The following RNPEPL1 variants were observed in gnomAD, a reference collection of about 807,000 sequenced individuals.
RNPEPL1 encodes the protein arginyl aminopeptidase like 1.
RNPEPL1 carries 46 observed loss-of-function variants against 69.0 expected under a neutral mutation model. The ratio of observed to expected loss-of-function variants is 0.67; its 90% confidence interval spans 0.53 to 0.85. RNPEPL1 has a LOEUF of 0.85. Among genes scored for constraint, RNPEPL1 ranks in the 40% least tolerant of loss-of-function variants. The pLI, the probability that RNPEPL1 is intolerant of heterozygous loss-of-function variation, is 0.00. For missense variants in RNPEPL1, 869 were observed against 992.5 expected, an observed-to-expected ratio of 0.88 and a Z score of 1.67; for synonymous variants, 525 against 454.1, an observed-to-expected ratio of 1.16 and a Z score of -1.98.
intron 1 of RNPEPL1, among the ~76,000 whole-genome samples, chr2:240,571,603 G>A (rs560670620): frequency 1.6e-4 from 25 of 152,082 alleles, no homozygotes; most frequent in East Asian, 5.8e-4. Context: ...GGAGGGCCCC[G>A]GGTGTGCAGG....
At chr2:240,569,699 C>G (rs1320848530) in intron 1 of RNPEPL1, among the ~76,000 whole-genome samples, 2 of 152,250 alleles carry the variant, frequency 1.3e-5, no homozygotes, top group African/African-American at 4.8e-5. Flanking sequence ...GCAGCACCCC[C>G]TCCACCTCCA....
chr2:240,575,010 G>C lies in RNPEPL1; in HGVS notation c.1289-20G>C. ...ACTGGTGGTTTCGGACGCCAGCCCA[G>C]GTGGGTGTTCACCTTGCAGGAGTGA... is the stretch of plus-strand genomic sequence containing the variant. On this transcript the variant is annotated intron_variant, in intron 6 of 10. Transcript: ENST00000270357. The C allele has an allele frequency of 1.3e-6, 2 of 1,595,884 alleles. No homozygotes were observed. The highest frequency in any genetic ancestry group is 2.2e-5 in the East Asian group (1 of 44,786).
intron 1 of RNPEPL1, 62 bp from the exon 2 acceptor site, chr2:240,572,361 A>G: frequency 6.6e-7 from 1 of 1,510,448 alleles, no homozygotes; most frequent in African/African-American, 1.4e-5. Flanking sequence ...GCTGCTGCCC[A>G]GTGGCTAGGG....
Position 240,576,943 on chromosome 2 carries a change from G to T in RNPEPL1, c.1837G>T (p.Asp613Tyr). The change falls in exon 10 of 11, where the codon GAC becomes TAC. Residue 613 changes from aspartate (D) to tyrosine (Y), a missense_variant. Asp to Tyr is a radical substitution (Grantham distance 160). Transcript: ENST00000270357. ...IRWLQIVVRN[D>Y]YYPDLHRVRR... ...CTGGCTGCAGATTGTGGTCCGCAAC[G>T]ACTACTATCCTGACCTCCACAGGGT... The T allele has an allele frequency of 6.2e-7, 1 of 1,613,448 alleles. No homozygotes were observed. The highest frequency in any genetic ancestry group is 1.1e-5 in the South Asian group (1 of 91,040).
In RNPEPL1 at chr2:240,576,854, T is replaced by C. The variant is rs1227363327; in HGVS notation, c.1748T>C (p.Val583Ala). Residue 583 changes from valine to alanine, a missense_variant, in exon 10 of 11, where the codon GTG becomes GCG. Physicochemically the swap from Val to Ala is moderately conservative, Grantham distance 64. Transcript: ENST00000270357. ...CCTGCCCCCTGCGCTGCAGAGGTGGTGATGAGCCTGTCCAAGTGCTACTCC... is the reference window on the plus strand; with the variant it reads ...CCTGCCCCCTGCGCTGCAGAGGTGGCGATGAGCCTGTCCAAGTGCTACTCC... ...LDGSPLPQEV[V>A]MSLSKCYSSL... The C allele has an allele frequency of 6.2e-7, 1 of 1,612,812 alleles. No individual in the cohort carries two copies.
In RNPEPL1 at chr2:240,577,901, G is replaced by A; in HGVS notation, c.*9G>A. ...TCAATGTGTCTGCCTAGCCCTGTTG[G>A]CGGGCTGACCCTCGACCTCCCAGAC... On this transcript the variant is annotated 3_prime_UTR_variant, in exon 11 of 11. Transcript: ENST00000270357. The A allele has an allele frequency of 6.7e-7, 1 of 1,483,002 alleles. No individual in the cohort carries two copies. 91.9% of individuals were successfully genotyped at this position (1,483,002 alleles called of 1,614,324 possible).
chr2:240,572,351 G>T (rs2093024143), intron 1 of RNPEPL1, 72 bp from the exon 2 acceptor site: 2 of 1,497,522 alleles, frequency 1.3e-6, no homozygotes, highest in Non-Finnish European at 1.8e-6. Context: ...CTTCTCTCAG[G>T]CTGCTGCCCA....
rs751889999 is a variant in RNPEPL1, at chr2:240,574,100, C to T, written c.939-13C>T. 1.9e-6 allele frequency: 3 copies of T among 1,609,602 alleles called. No homozygotes were observed. The highest frequency in any genetic ancestry group is 2.2e-5 in the South Asian group (2 of 91,008). On this transcript the variant is annotated splice_polypyrimidine_tract_variant and intron_variant, in intron 4 of 10. Coordinates refer to ENST00000270357, the MANE Select transcript of RNPEPL1 (RefSeq NM_018226.6). ...CCCCGAGGTCTGCCACCCTCACCGCCCTCCCGGTGCAGGTACGACATTGTC... is the reference window on the plus strand; with the variant it reads ...CCCCGAGGTCTGCCACCCTCACCGCTCTCCCGGTGCAGGTACGACATTGTC...
intron 8 of RNPEPL1, 28 bp downstream of exon 8, chr2:240,575,638 A>T: frequency 6.3e-7 from 1 of 1,588,538 alleles, no homozygotes; most frequent in Non-Finnish European, 8.6e-7. Context: ...CCCTGCAGCC[A>T]GGGAGCCGTG....
chr2:240,568,964 C>T lies in RNPEPL1; in HGVS notation c.378C>T (p.Pro126=), dbSNP rs963246918. 2 of 1,440,252 alleles carry T rather than the reference C, an allele frequency of 1.4e-6. No homozygotes were observed. Among genetic ancestry groups the T allele is most frequent in the Non-Finnish European group, 1.8e-6 (2 of 1,097,070 alleles). 89.2% of individuals were successfully genotyped at this position (1,440,252 alleles called of 1,614,324 possible). A position where few individuals can be genotyped will look rare whatever the true frequency, so the allele number is the denominator to read the frequency against. ...CGCTGCCCGCCTTCCCCGAGGCGCC[C>T]GGCTCCGAGCCCGCCTGCTGTCCGC... is the stretch of plus-strand genomic sequence containing the variant. The part of the protein sequence containing the change: ...PPPLPAFPEA[P]GSEPACCPLA... The change falls in exon 1 of 11, where the codon CCC becomes CCT. Residue 126 remains proline (P), a synonymous_variant. Coordinates refer to ENST00000270357, the MANE Select transcript of RNPEPL1 (RefSeq NM_018226.6). This position sits in a 1 kb window ranked among gnomAD's most constrained non-coding sequence, Gnocchi z 6.2.
chr2:240,575,427 G>A (rs1419988081), intron 7 of RNPEPL1, 75 bp from the exon 8 acceptor site: 1 of 1,292,886 alleles, frequency 7.7e-7, no homozygotes, highest in Non-Finnish European at 1.1e-6. Flanking sequence ...GCCCTGCAGT[G>A]CCCTGCAGGC....
chr2:240,574,092 C>G lies in RNPEPL1; in HGVS notation c.939-21C>G, dbSNP rs996906692. 3 of 1,604,462 alleles carry G rather than the reference C, an allele frequency of 1.9e-6. No homozygotes were observed. The African/African-American group carries it at 4.0e-5, about 21-fold the overall frequency. On this transcript the variant is annotated intron_variant, in intron 4 of 10. Coordinates refer to ENST00000270357, the MANE Select transcript of RNPEPL1 (RefSeq NM_018226.6). The stretch of plus-strand genomic sequence containing the variant: ...AGTCTGAGCCCCGAGGTCTGCCACC[C>G]TCACCGCCCTCCCGGTGCAGGTACG...
chr2:240,575,472 G>A, intron 7 of RNPEPL1, 30 bp from the exon 8 acceptor site: 2 of 1,590,932 alleles, frequency 1.3e-6, no homozygotes, highest in Non-Finnish European at 1.7e-6. Context: ...ACCCTTCCAG[G>A]CCTGCTGAGG....
At position 240,573,375 on chromosome 2, in the gene RNPEPL1, G is replaced by C. The variant is rs1575436799; in HGVS notation, c.821+114G>C. The C allele has an allele frequency of 3.9e-6, 5 of 1,284,740 alleles. No individual in the cohort carries two copies. In the East Asian group the frequency reaches 1.3e-4, roughly 33 times the overall value. 79.6% of individuals were successfully genotyped at this position (1,284,740 alleles called of 1,614,324 possible). ...TGCTGAGGACCCCCACTGGCCTCTGGGTGCTCTGGGCCAGCCCTGCCCCTG... is the reference window on the plus strand; with the variant it reads ...TGCTGAGGACCCCCACTGGCCTCTGCGTGCTCTGGGCCAGCCCTGCCCCTG... On this transcript the variant is annotated intron_variant, in intron 3 of 10. Transcript: ENST00000270357.
At chr2:240,573,343 G>A in intron 3 of RNPEPL1, 82 bp downstream of exon 3, 1 of 1,438,198 alleles carries the variant, frequency 7.0e-7, no homozygotes, top group Non-Finnish European at 9.2e-7. Context: ...TGTGTCCACG[G>A]CTGCCCTGCT....
At chr2:240,574,846 G>A (rs2093033162) in intron 6 of RNPEPL1, 184 bp from the exon 7 acceptor site, 3 of 661,466 alleles carry the variant, frequency 4.5e-6, no homozygotes, top group South Asian at 1.7e-5. Context: ...ACAGTGGTGT[G>A]TGAGTCCTCA....
rs116261987 is a variant in RNPEPL1, at chr2:240,571,956, G to A, written c.529-467G>A. Among the ~76,000 whole-genome samples, 362 of 152,258 alleles carry A rather than the reference G, an allele frequency of 2.4e-3. 1 individual carries two copies. The highest frequency in any genetic ancestry group is 4.1e-3 in the Admixed American group (63 of 15,294). ...GGGCCCGGGCGTGCTGCCTGCTAGTGCGTAGCCATCAGGAGGCTCTGGCTT... is the reference window on the plus strand; with the variant it reads ...GGGCCCGGGCGTGCTGCCTGCTAGTACGTAGCCATCAGGAGGCTCTGGCTT... On this transcript the variant is annotated intron_variant, in intron 1 of 10. Transcript: ENST00000270357.
At chr2:240,572,897 C>A (rs1463520588) in intron 2 of RNPEPL1, among the ~76,000 whole-genome samples, 1 of 152,184 alleles carries the variant, frequency 6.6e-6, no homozygotes, top group Admixed American at 6.5e-5. Flanking sequence ...TTGGCAGCAC[C>A]CTCTGTGCTG....
intron 6 of RNPEPL1, 56 bp downstream of exon 6, chr2:240,574,684 C>T (rs2093032686): frequency 7.3e-7 from 1 of 1,367,736 alleles, no homozygotes; most frequent in South Asian, 1.2e-5. Context: ...CTCAAGGCCT[C>T]CTTGCCTGCC....
Sources: gnomAD v4.1 joint callset for allele counts (sites outside exome capture counted in the v4.1 genomes callset) on GRCh38, gnomAD v4.1.1 for gene constraint, Gnocchi (gnomAD v3.1) non-coding constraint, MANE v1.5 for transcripts, NCBI Gene and HGNC (gene_info 2026-07-23, HGNC 2026-07-21) for gene names.